Variants in RAD18 observed in about 807,000 individuals in gnomAD.
RAD18 encodes E3 ubiquitin-protein ligase RAD18.
In RAD18, 47 loss-of-function variants were observed where a neutral mutation model predicts 60.4. The observed-to-expected ratio is 0.78, with a 90% CI of 0.62 to 0.99. The LOEUF (loss-of-function observed/expected upper bound fraction) is 0.99, where lower values mean the gene tolerates loss of function less well. Among genes scored for constraint, RAD18 ranks in the 50% least tolerant of loss-of-function variants. The probability of loss-of-function intolerance (pLI) is 0.00; values close to 1 mark genes in which losing one functional copy is unlikely to be tolerated. For missense variants in RAD18, 640 were observed against 593.3 expected, an observed-to-expected ratio of 1.08 and a Z score of -0.82; for synonymous variants, 225 against 195.5, an observed-to-expected ratio of 1.15 and a Z score of -1.26.
chr3:8,960,418 GACTTTT>G (rs1279457273), intron 1 of RAD18, among the ~76,000 whole-genome samples: 2 of 152,048 alleles, frequency 1.3e-5, no homozygotes, highest in Non-Finnish European at 2.9e-5. Context: ...GTAAGAAGGA[GACTTTT>G]ACTTTTTATT....
At chr3:8,928,262 G>A (rs1425717981) in intron 7 of RAD18, among the ~76,000 whole-genome samples, 1 of 151,714 alleles carries the variant, frequency 6.6e-6, no homozygotes, top group Non-Finnish European at 1.5e-5. Flanking sequence ...AAAAAAGCAG[G>A]AAATGAAGAA....
intron 6 of RAD18, 73 bp downstream of exon 6, chr3:8,939,481 T>C: frequency 8.0e-7 from 1 of 1,249,108 alleles, no homozygotes; most frequent in Non-Finnish European, 1.2e-6. Flanking sequence ...AAAGGAATAC[T>C]GTAATTTTCC....
intron 11 of RAD18, among the ~76,000 whole-genome samples, 197 bp downstream of exon 11, chr3:8,898,697 C>T (rs1201688010): frequency 6.6e-6 from 1 of 152,158 alleles, no homozygotes; most frequent in Non-Finnish European, 1.5e-5. Context: ...CAAACTCACC[C>T]TGTGATCCCT....
Position 8,938,468 on chromosome 3 carries a change from A to G in RAD18, c.704+1086T>C, listed in dbSNP as rs115502344. 7.4e-3 allele frequency among the ~76,000 whole-genome samples: 1,134 copies of G among 152,328 alleles called. 17 individuals carry two copies. The highest frequency in any genetic ancestry group is 0.026 in the African/African-American group (1,069 of 41,582). ...TACTCTTCAAAGTCCTTCAAAACAGACTGAACATAGAAGCAAATCATTCTT... is the reference window on the plus strand; with the variant it reads ...TACTCTTCAAAGTCCTTCAAAACAGGCTGAACATAGAAGCAAATCATTCTT... On this transcript the variant is annotated intron_variant, in intron 6 of 12. Coordinates refer to ENST00000264926, the MANE Select transcript of RAD18 (RefSeq NM_020165.4).
At chr3:8,952,462 C>T (rs1940941899) in intron 2 of RAD18, among the ~76,000 whole-genome samples, 1 of 152,184 alleles carries the variant, frequency 6.6e-6, no homozygotes, top group Non-Finnish European at 1.5e-5. Context: ...AACTTAGTTT[C>T]CCAGGCTGTA....
At chr3:8,885,048 T>G (rs1332752916) in intron 12 of RAD18, among the ~76,000 whole-genome samples, 1 of 152,226 alleles carries the variant, frequency 6.6e-6, no homozygotes, top group East Asian at 1.9e-4. Context: ...AAGTGTTGAA[T>G]CTACTGAATG....
intron 12 of RAD18, among the ~76,000 whole-genome samples, chr3:8,889,234 A>G (rs982476925): frequency 2.0e-5 from 3 of 152,214 alleles, no homozygotes; most frequent in Admixed American, 6.5e-5. Flanking sequence ...GAGGGTGCTG[A>G]CTTTTGACAA....
chr3:8,912,316 T>C lies in RAD18; in HGVS notation c.1023A>G (p.Lys341=), dbSNP rs750646650. 3 of 1,560,428 alleles carry C rather than the reference T, an allele frequency of 1.9e-6. No individual in the cohort carries two copies. In the African/African-American group the frequency reaches 4.2e-5, roughly 22 times the overall value. The change falls in exon 9 of 13, where the codon AAA becomes AAG. Residue 341 remains lysine, a synonymous_variant. Coordinates refer to ENST00000264926, the MANE Select transcript of RAD18 (RefSeq NM_020165.4). ...TEKEIDEIHS[K]YRKKHKSEFQ... ...AAATAAAGTCGTGCAACTTACGATA[T>C]TTACTGTGGATTTCATCTATTTCCT...
At chr3:8,927,264 C>T (rs1940458320) in intron 7 of RAD18, among the ~76,000 whole-genome samples, 3 of 152,332 alleles carry the variant, frequency 2.0e-5, no homozygotes, top group South Asian at 4.1e-4. Flanking sequence ...CGAACAGACA[C>T]TTCTCAAAAG....
intron 6 of RAD18, among the ~76,000 whole-genome samples, chr3:8,936,416 C>T (rs551567556): frequency 1.3e-5 from 2 of 152,284 alleles, no homozygotes; most frequent in African/African-American, 2.4e-5. Context: ...TTCAATTTTC[C>T]ACCTCTTTAA....
At chr3:8,890,790 C>G (rs191272983) in intron 11 of RAD18, among the ~76,000 whole-genome samples, 339 of 152,296 alleles carry the variant, frequency 2.2e-3, no homozygotes, top group African/African-American at 6.7e-3. Context: ...GACCCCAGCT[C>G]CTGCTACTCC....
In RAD18 at chr3:8,877,354, T is replaced by C. The variant is rs950333812; in HGVS notation, c.*4003A>G. The C allele has an allele frequency of 6.6e-6, 1 of 152,350 alleles. No individual in the cohort carries two copies. Among genetic ancestry groups the C allele is most frequent in the African/African-American group, 2.4e-5 (1 of 41,452 alleles). 9.4% of individuals were successfully genotyped at this position (152,350 alleles called of 1,614,324 possible). On this transcript the variant is annotated 3_prime_UTR_variant, in exon 13 of 13. Coordinates refer to ENST00000264926, the MANE Select transcript of RAD18 (RefSeq NM_020165.4). The stretch of plus-strand genomic sequence containing the variant: ...AGGGAACGAAGACTGTGTCCTCATG[T>C]GGCGGAAGGGATGGAAGGAAACAAA...
At chr3:8,962,139 A>G (rs925491645) in intron 1 of RAD18, among the ~76,000 whole-genome samples, 4 of 152,216 alleles carry the variant, frequency 2.6e-5, no homozygotes, top group African/African-American at 9.6e-5. Context: ...TACATCAACT[A>G]ATTTATTTAA....
At chr3:8,924,795 T>A (rs1431325086) in intron 7 of RAD18, among the ~76,000 whole-genome samples, 250 of 119,396 alleles carry the variant, frequency 2.1e-3, no homozygotes, top group Middle Eastern at 4.7e-3. Context: ...CTGAACAACC[T>A]GCTCCTGAAT....
rs531831449 is a variant in RAD18, at chr3:8,877,404, A to C, written c.*3953T>G. On this transcript the variant is annotated 3_prime_UTR_variant, in exon 13 of 13. Transcript: ENST00000264926. ...AACCACTCCCTCAAGCCCTTTTAGA[A>C]GGACCGTGACCCCATCTATAAGAGC... The C allele has an allele frequency of 6.6e-6, 1 of 152,332 alleles. No homozygotes were observed. Among genetic ancestry groups the C allele is most frequent in the African/African-American group, 2.4e-5 (1 of 41,570 alleles). 9.4% of individuals were successfully genotyped at this position (152,332 alleles called of 1,614,324 possible).
chr3:8,890,251 A>C, intron 12 of RAD18, 138 bp downstream of exon 12: 2 of 653,818 alleles, frequency 3.1e-6, no homozygotes, highest in Non-Finnish European at 2.6e-6. Flanking sequence ...TAGTAAACTG[A>C]AAATCTTTAC....
rs1421503731 is a variant in RAD18 at position 8,917,807 on chromosome 3, A to AATTT, written c.890-4088_890-4087insAAAT. Among the ~76,000 whole-genome samples the AATTT allele has an allele frequency of 3.3e-5, 5 of 152,202 alleles. No individual in the cohort carries two copies. In the South Asian group the frequency reaches 8.3e-4, roughly 25 times the overall value. On this transcript the variant is annotated intron_variant, in intron 7 of 12. Transcript: ENST00000264926. Reference sequence around the variant, plus strand: ...ATTTACATTAAAGAAAGGGTTTTAAAACACCAATTAAGAGACAGAGGATGT... The same window carrying AATTT: ...ATTTACATTAAAGAAAGGGTTTTAAAATTTACACCAATTAAGAGACAGAGGATGT...
chr3:8,954,463 G>A (rs1447062491), intron 2 of RAD18, among the ~76,000 whole-genome samples: 1 of 152,100 alleles, frequency 6.6e-6, no homozygotes, highest in Non-Finnish European at 1.5e-5. Flanking sequence ...AAGAAAATTG[G>A]CACTTGGGCA....
intron 9 of RAD18, among the ~76,000 whole-genome samples, chr3:8,909,267 T>C (rs565908939): frequency 6.6e-6 from 1 of 152,272 alleles, no homozygotes; most frequent in East Asian, 1.9e-4. Context: ...CTTTACAAAC[T>C]GTAGCTTAAG....
Sources: allele counts gnomAD v4.1 joint callset (sites outside exome capture counted in the v4.1 genomes callset), GRCh38; gene constraint gnomAD v4.1.1; transcripts MANE v1.5; gene names NCBI Gene and HGNC (gene_info 2026-07-23, HGNC 2026-07-21).